The following LINGO2 variants were observed in gnomAD, a reference collection of about 807,000 sequenced individuals.
LINGO2 encodes leucine rich repeat and Ig domain containing 2, also known as leucine-rich repeat and immunoglobulin-like domain-containing nogo receptor-interacting protein 2.
A neutral mutation model predicts 30.6 loss-of-function variants in LINGO2; 14 were observed. That is an observed-to-expected ratio of 0.46 (90% CI 0.30 to 0.72). The LOEUF is 0.72. LINGO2 is among the 30% of genes least tolerant of loss of function. The probability of loss-of-function intolerance (pLI) is 0.07; values close to 1 mark genes in which losing one functional copy is unlikely to be tolerated. For synonymous variants in LINGO2, 317 were observed against 288.5 expected (o/e 1.10, Z -1.00); for missense variants, 729 against 751.7 (o/e 0.97, Z 0.35).
the LINGO2 span, among the ~76,000 whole-genome samples, chr9:29,132,668 C>T: frequency 1.3e-5 from 2 of 152,134 alleles, no homozygotes; most frequent in Admixed American, 6.6e-5. Flanking sequence ...TTCATTCTTT[C>T]GTTGCTTTGT....
At chr9:29,030,935 T>C in the LINGO2 span, among the ~76,000 whole-genome samples, 1 of 152,208 alleles carries the variant, frequency 6.6e-6, no homozygotes, top group African/African-American at 2.4e-5. Flanking sequence ...TCCCTCACTG[T>C]TGCTATCAAC....
chr9:28,794,484 C>T, the LINGO2 span, among the ~76,000 whole-genome samples: 2 of 152,140 alleles, frequency 1.3e-5, no homozygotes, highest in African/African-American at 4.8e-5. Flanking sequence ...TGAAGACACA[C>T]ATTAAATGAT....
chr9:28,410,997 A>G (rs1027892091), intron 2 of LINGO2, among the ~76,000 whole-genome samples: 4 of 152,108 alleles, frequency 2.6e-5, no homozygotes, highest in Non-Finnish European at 5.9e-5. Context: ...CTGACATTAG[A>G]GAAGTTACTA....
At chr9:28,205,604 G>C (rs1400352620) in intron 4 of LINGO2, among the ~76,000 whole-genome samples, 4 of 152,146 alleles carry the variant, frequency 2.6e-5, no homozygotes, top group Admixed American at 1.3e-4. Flanking sequence ...ATAAATATTA[G>C]TGAAAATTCT....
the LINGO2 span, among the ~76,000 whole-genome samples, chr9:28,850,804 A>C: frequency 2.0e-4 from 31 of 152,026 alleles, no homozygotes; most frequent in Non-Finnish European, 3.8e-4. Context: ...GAATAGGAGC[A>C]TCCAATGAGT....
At chr9:28,720,744 T>C in the LINGO2 span, among the ~76,000 whole-genome samples, 1 of 152,084 alleles carries the variant, frequency 6.6e-6, no homozygotes, top group East Asian at 1.9e-4. Context: ...GTTAGAAGAT[T>C]GGAGGAAGAG....
At chr9:28,903,503 T>A in the LINGO2 span, among the ~76,000 whole-genome samples, 1 of 152,140 alleles carries the variant, frequency 6.6e-6, no homozygotes, top group Non-Finnish European at 1.5e-5. Flanking sequence ...AGAGACAGGG[T>A]CTCCCTCTGT....
chr9:28,914,227 A>G, the LINGO2 span, among the ~76,000 whole-genome samples: 1 of 152,218 alleles, frequency 6.6e-6, no homozygotes, highest in African/African-American at 2.4e-5. Flanking sequence ...ATAAATGTAC[A>G]GGATAAAATA....
At chr9:28,690,257 A>G in the LINGO2 span, among the ~76,000 whole-genome samples, 1 of 152,202 alleles carries the variant, frequency 6.6e-6, no homozygotes, top group Non-Finnish European at 1.5e-5. Context: ...AACAAAAACA[A>G]ACAAACAAAA....
intron 4 of LINGO2, among the ~76,000 whole-genome samples, chr9:28,171,835 C>T (rs1220332868): frequency 1.3e-5 from 2 of 148,938 alleles, no homozygotes; most frequent in East Asian, 2.0e-4. Context: ...GGTGAAACCC[C>T]GTCTCTACTG....
At chr9:28,267,800 G>C (rs1450918097) in intron 4 of LINGO2, among the ~76,000 whole-genome samples, 1 of 151,936 alleles carries the variant, frequency 6.6e-6, no homozygotes, top group Non-Finnish European at 1.5e-5. Context: ...CCAGGGCATG[G>C]AGCCTAGCAC....
At chr9:29,014,879 T>C in the LINGO2 span, among the ~76,000 whole-genome samples, 844 of 152,252 alleles carry the variant, frequency 5.5e-3, 11 homozygotes, top group African/African-American at 0.019. Context: ...TCTAACATCT[T>C]TTAATCAGAG....
intron 1 of LINGO2, among the ~76,000 whole-genome samples, chr9:28,609,172 T>C (rs1825810225): frequency 6.6e-6 from 1 of 151,380 alleles, no homozygotes; most frequent in Non-Finnish European, 1.5e-5. Context: ...TTTTTTTTTT[T>C]ACAAAACTAT....
rs1316211305 is a variant in LINGO2 at position 28,148,703 on chromosome 9, G to A, written c.-86-136298C>T. ...TTTCTACTCCAACGGCCATGGAGTC[G>A]CCAGTTCACACAGCCCTGCTGGAGG... On this transcript the variant is annotated intron_variant, in intron 4 of 5. Coordinates refer to ENST00000379992, the Ensembl canonical transcript of LINGO2. This position sits in a 1 kb window ranked among gnomAD's most constrained non-coding sequence, Gnocchi z 5.1. 218 of 1,533,584 alleles carry A rather than the reference G, an allele frequency of 1.4e-4. 1 individual carries two copies. Among genetic ancestry groups the A allele is most frequent in the Non-Finnish European group, 1.8e-4 (211 of 1,146,130 alleles). 95.0% of individuals were successfully genotyped at this position (1,533,584 alleles called of 1,614,324 possible).
chr9:28,334,577 A>G (rs1486372144), intron 3 of LINGO2, among the ~76,000 whole-genome samples: 4 of 152,136 alleles, frequency 2.6e-5, no homozygotes, highest in Non-Finnish European at 5.9e-5. Context: ...TATGTAGTAC[A>G]TTTTAAATAA....
the LINGO2 span, among the ~76,000 whole-genome samples, chr9:28,857,192 G>A: frequency 6.6e-6 from 1 of 151,894 alleles, no homozygotes; most frequent in Non-Finnish European, 1.5e-5. Context: ...ATAGAGAAGA[G>A]AATTGAAGCC....
At chr9:28,726,877 C>A in the LINGO2 span, among the ~76,000 whole-genome samples, 1 of 152,086 alleles carries the variant, frequency 6.6e-6, no homozygotes, top group African/African-American at 2.4e-5. Flanking sequence ...TGATGTATAC[C>A]CTTTTCTCCA....
At chr9:28,307,056 G>A (rs2134235233) in intron 3 of LINGO2, among the ~76,000 whole-genome samples, 1 of 152,006 alleles carries the variant, frequency 6.6e-6, no homozygotes, top group East Asian at 1.9e-4. Context: ...AGAAAAAGAG[G>A]GAATCCTCCC....
intron 1 of LINGO2, among the ~76,000 whole-genome samples, chr9:28,589,871 G>C (rs1046202887): frequency 5.3e-5 from 8 of 152,062 alleles, no homozygotes; most frequent in African/African-American, 9.7e-5. Flanking sequence ...AAAGAAAAAA[G>C]CTGGAGGCAT....
Sources: gnomAD v4.1 joint callset for allele counts (sites outside exome capture counted in the v4.1 genomes callset) on GRCh38, gnomAD v4.1.1 for gene constraint, Gnocchi (gnomAD v3.1) non-coding constraint, MANE v1.5 for transcripts, NCBI Gene and HGNC (gene_info 2026-07-23, HGNC 2026-07-21) for gene names.